CD276: variants seen among roughly 807,000 people sequenced by gnomAD.
CD276 encodes the protein CD276 antigen.
A neutral mutation model predicts 50.0 loss-of-function variants in CD276; 34 were observed. That is an observed-to-expected ratio of 0.68 (90% CI 0.52 to 0.91). CD276 has a LOEUF of 0.91. Among genes scored for constraint, CD276 ranks in the 40% least tolerant of loss-of-function variants. CD276 has a pLI of 0.00. For synonymous variants in CD276, 275 were observed against 313.0 expected (o/e 0.88, Z 1.28); for missense variants, 634 against 717.5 (o/e 0.88, Z 1.33).
chr15:73,704,355 G>T lies in CD276; in HGVS notation c.1252G>T (p.Gly418Cys). The change falls in exon 6 of 10, where the codon GGC (glycine) becomes TGC (cysteine). Residue 418 changes from glycine to cysteine, a missense_variant. Gly to Cys is a radical substitution (Grantham distance 159, BLOSUM62 -3). Coordinates refer to ENST00000318443, the MANE Select transcript of CD276 (RefSeq NM_001024736.2). The surrounding 1 kb of genome is among the most constrained non-coding windows in gnomAD (Gnocchi z 4.1). The part of the protein sequence containing the change: ...VTTSQMANEQ[G>C]LFDVHSVLRV... ...CACGTCGCAGATGGCCAACGAGCAG[G>T]GCTTGTTTGATGTGCACAGCGTCCT... The T allele has an allele frequency of 6.2e-7, 1 of 1,614,058 alleles. No individual in the cohort carries two copies. Among genetic ancestry groups the T allele is most frequent in the Non-Finnish European group, 8.5e-7 (1 of 1,180,044 alleles).
chr15:73,698,745 AGAGATGGGG>A (rs200391224), intron 1 of CD276, among the ~76,000 whole-genome samples: 8,145 of 152,052 alleles, frequency 0.054, 745 homozygotes, highest in African/African-American at 0.19. Context: ...TATTTTTAGT[AGAGATGGGG>A]TTTCACCATG....
At position 73,699,685 on chromosome 15, in the gene CD276, G is replaced by A; in HGVS notation, c.46G>A (p.Ala16Thr). ...GSPGMGVHVG[A>T]ALGALWFCLT... is the part of the protein sequence containing the mutation. ...CCCTGGCATGGGTGTGCATGTGGGT[G>A]CAGCCCTGGGAGCACTGTGGTTCTG... Residue 16 changes from alanine to threonine, a missense_variant, in exon 2 of 10, where the codon GCA becomes ACA. Physicochemically the swap from Ala to Thr is moderately conservative, Grantham distance 58 (BLOSUM62 0). Coordinates refer to ENST00000318443, the MANE Select transcript of CD276 (RefSeq NM_001024736.2). The A allele has an allele frequency of 1.2e-6, 2 of 1,612,168 alleles. No homozygotes were observed. The highest frequency in any genetic ancestry group is 1.7e-6 in the Non-Finnish European group (2 of 1,178,998).
At chr15:73,690,756 T>C (rs2141538207) in intron 1 of CD276, 1 of 455,732 alleles carries the variant, frequency 2.2e-6, no homozygotes, top group African/African-American at 2.0e-5. Context: ...GAAGAAACTG[T>C]ATTTGCAGCA....
chr15:73,705,176 G>A (rs1900600303), intron 6 of CD276, among the ~76,000 whole-genome samples: 1 of 152,200 alleles, frequency 6.6e-6, no homozygotes, highest in African/African-American at 2.4e-5. Flanking sequence ...GGGCCGACGT[G>A]CTCAGTCTGG....
Position 73,703,728 on chromosome 15 carries a change from G to T in CD276, c.803G>T (p.Cys268Phe). 1 of 1,613,378 alleles carries T rather than the reference G, an allele frequency of 6.2e-7. No individual in the cohort carries two copies. The change falls in exon 5 of 10, where the codon TGC becomes TTC. Residue 268 changes from cysteine to phenylalanine, a missense_variant. Physicochemically the swap from Cys to Phe is radical, Grantham distance 205. Transcript: ENST00000318443. ...GTGGGCACCGATGCCACCCTGCGCT[G>T]CTCCTTCTCCCCCGAGCCTGGCTTC... ...ALVGTDATLR[C>F]SFSPEPGFSL...
chr15:73,702,497 A>G lies in CD276; in HGVS notation c.322A>G (p.Arg108Gly). 1 of 1,613,468 alleles carries G rather than the reference A, an allele frequency of 6.2e-7. No homozygotes were observed. Among genetic ancestry groups the G allele is most frequent in the Non-Finnish European group, 8.5e-7 (1 of 1,179,984 alleles). The change falls in exon 3 of 10, where the codon AGG becomes GGG. Residue 108 changes from arginine (R) to glycine (G), a missense_variant. Coordinates refer to ENST00000318443, the MANE Select transcript of CD276 (RefSeq NM_001024736.2). ...GCTGGCACAGGGCAACGCATCCCTGAGGCTGCAGCGCGTGCGTGTGGCGGA... is the reference window on the plus strand; with the variant it reads ...GCTGGCACAGGGCAACGCATCCCTGGGGCTGCAGCGCGTGCGTGTGGCGGA... ...DLLAQGNASLRLQRVRVADEG... is the reference protein window; with the variant it reads ...DLLAQGNASLGLQRVRVADEG...
At chr15:73,689,229 T>TGTGTGC (rs56397980) in intron 1 of CD276, among the ~76,000 whole-genome samples, 1 of 147,200 alleles carries the variant, frequency 6.8e-6, no homozygotes, top group South Asian at 2.2e-4. Flanking sequence ...TGTGTGTGTG[T>TGTGTGC]ACACATTTCC....
intron 2 of CD276, among the ~76,000 whole-genome samples, chr15:73,701,425 T>G (rs769998960): frequency 3.3e-5 from 5 of 152,200 alleles, no homozygotes; most frequent in African/African-American, 4.8e-5. Context: ...TGATTCCCAT[T>G]ACTCATAGAA....
At chr15:73,705,493 C>T (rs565325852) in intron 6 of CD276, among the ~76,000 whole-genome samples, 15 of 152,104 alleles carry the variant, frequency 9.9e-5, no homozygotes, top group Admixed American at 2.0e-4. Flanking sequence ...TTCTCTCTTA[C>T]GTGTTTCCTT....
Position 73,714,101 on chromosome 15 carries a change from T to C in CD276, c.*1145T>C. 3.5e-6 allele frequency: 1 copy of C among 285,642 alleles called. No homozygotes were observed. The allele number at this position is 285,642 out of a possible 1,614,324, so 17.7% of individuals were successfully genotyped here. ...AGAGCATGGGGTTGGGGCGGAAACC[T>C]GGAGAGAGGGACATAGCCCCTCGCC... On this transcript the variant is annotated 3_prime_UTR_variant, in exon 10 of 10. Coordinates refer to ENST00000318443, the MANE Select transcript of CD276 (RefSeq NM_001024736.2).
intron 2 of CD276, among the ~76,000 whole-genome samples, chr15:73,701,722 T>G (rs1900395355): frequency 6.6e-6 from 1 of 152,152 alleles, no homozygotes; most frequent in African/African-American, 2.4e-5. Flanking sequence ...TCGTGTTTCG[T>G]TAGGAAAAGA....
At chr15:73,692,260 C>T (rs111283628) in intron 1 of CD276, among the ~76,000 whole-genome samples, 9,111 of 152,296 alleles carry the variant, frequency 0.06, 291 homozygotes, top group Non-Finnish European at 0.064. Context: ...AGGTTTAAGC[C>T]TACTGCCTCG....
rs1567020628 is a variant in CD276, at chr15:73,704,097, T to C, written c.1073-79T>C. On this transcript the variant is annotated intron_variant, in intron 5 of 9. Coordinates refer to ENST00000318443, the MANE Select transcript of CD276 (RefSeq NM_001024736.2). This position sits in a 1 kb window ranked among gnomAD's most constrained non-coding sequence, Gnocchi z 4.1. ...ACTGCTCCCAGAACCCCAGTGCTGA[T>C]TCCTGTACTCAGCCCCATGCATCCT... 1.3e-6 allele frequency: 2 copies of C among 1,565,468 alleles called. No individual in the cohort carries two copies. The highest frequency in any genetic ancestry group is 1.7e-6 in the Non-Finnish European group (2 of 1,154,582).
chr15:73,691,543 G>C lies in CD276; in HGVS notation c.-55+7083G>C, dbSNP rs570853822. Among the ~76,000 whole-genome samples, 5 of 152,286 alleles carry C rather than the reference G, an allele frequency of 3.3e-5. No individual in the cohort carries two copies. The South Asian group carries it at 1.0e-3, about 32-fold the overall frequency. On this transcript the variant is annotated intron_variant, in intron 1 of 9. Coordinates refer to ENST00000318443, the MANE Select transcript of CD276 (RefSeq NM_001024736.2). ...CTCATTCTCGAACTAATCACTGAGT[G>C]GGGGCAGGGCAGGTTTCTCCATGAG...
chr15:73,699,404 A>C (rs1204737091), intron 1 of CD276, among the ~76,000 whole-genome samples, 182 bp from the exon 2 acceptor site: 1 of 152,134 alleles, frequency 6.6e-6, no homozygotes, highest in Non-Finnish European at 1.5e-5. Flanking sequence ...AGGCCTCCCC[A>C]GGGACTCCCT....
rs754594435 is a variant in CD276 at position 73,708,389 on chromosome 15, T to G, written c.1420T>G (p.Ser474Ala). ...GGCCCTGTGGGTGACCGTGGGGCTG[T>G]CTGTCTGTCTCATTGCACTGCTGGT... ...PEALWVTVGL[S>A]VCLIALLVAL... Residue 474 changes from serine to alanine, a missense_variant, in exon 7 of 10, where the codon TCT (serine) becomes GCT (alanine). Ser to Ala is a moderately conservative substitution (Grantham distance 99). Transcript: ENST00000318443. The G allele has an allele frequency of 1.2e-5, 20 of 1,613,864 alleles. No individual in the cohort carries two copies. Among genetic ancestry groups the G allele is most frequent in the East Asian group, 6.7e-5 (3 of 44,850 alleles).
intron 4 of CD276, 98 bp from the exon 5 acceptor site, chr15:73,703,561 G>A: frequency 2.1e-6 from 2 of 957,960 alleles, no homozygotes; most frequent in Non-Finnish European, 3.0e-6. Context: ...ATGGAACAGG[G>A]TCTGGGAATT....
intron 7 of CD276, among the ~76,000 whole-genome samples, chr15:73,709,103 A>G (rs978695636): frequency 1.3e-5 from 2 of 151,998 alleles, no homozygotes; most frequent in Non-Finnish European, 2.9e-5. Flanking sequence ...CAGATAGGTG[A>G]GTACTTGTGA....
chr15:73,691,103 A>G (rs1021514220), intron 1 of CD276, among the ~76,000 whole-genome samples: 1 of 151,700 alleles, frequency 6.6e-6, no homozygotes, highest in African/African-American at 2.4e-5. Context: ...GCAAGAGATG[A>G]TGGTGACTTG....
Sources: gnomAD v4.1 joint callset for allele counts (sites outside exome capture counted in the v4.1 genomes callset) on GRCh38, gnomAD v4.1.1 for gene constraint, Gnocchi (gnomAD v3.1) non-coding constraint, MANE v1.5 for transcripts, NCBI Gene and HGNC (gene_info 2026-07-23, HGNC 2026-07-21) for gene names.